NECAB2: variants seen among roughly 807,000 people sequenced by gnomAD.
The protein encoded by NECAB2 is N-terminal EF-hand calcium binding protein 2, also known as N-terminal EF-hand calcium-binding protein 2.
Under a neutral mutation model 51.9 loss-of-function variants are expected in NECAB2, and 68 were observed. The observed-to-expected ratio is 1.31, with a 90% CI of 1.08 to 1.60. NECAB2 has a LOEUF of 1.60. Ranked by LOEUF, NECAB2 falls within the 40% of genes most tolerant of loss-of-function variation. The pLI is 0.00. For synonymous variants in NECAB2, 329 were observed against 203.5 expected (o/e 1.62, Z -5.25); for missense variants, 854 against 490.3 (o/e 1.74, Z -7.00).
Position 83,981,021 on chromosome 16 carries a change from C to G in NECAB2, c.362-9C>G. On this transcript the variant is annotated splice_polypyrimidine_tract_variant and intron_variant, in intron 4 of 12. Coordinates refer to ENST00000305202, the MANE Select transcript of NECAB2 (RefSeq NM_019065.3). ...CTGTGACCCCTGACCTTTGCCTTTCCTTCCCCAGATTACTTTGTGGACCAC... is the reference window on the plus strand; with the variant it reads ...CTGTGACCCCTGACCTTTGCCTTTCGTTCCCCAGATTACTTTGTGGACCAC... 1 of 1,613,872 alleles carries G rather than the reference C, an allele frequency of 6.2e-7. No individual in the cohort carries two copies.
chr16:83,998,382 A>C, intron 10 of NECAB2, 65 bp downstream of exon 10: 5 of 1,484,672 alleles, frequency 3.4e-6, no homozygotes. Flanking sequence ...GTGGAGGAAC[A>C]GGGCAGGACT....
In NECAB2 at chr16:83,990,780, A is replaced by G. The variant is rs1567673182; in HGVS notation, c.596+150A>G. ...CTCTTTGTGCCTTTGGTGCTCCATT[A>G]TGTAATATAGGCACAATTATATACC... On this transcript the variant is annotated intron_variant, in intron 6 of 12. Transcript: ENST00000305202. The G allele has an allele frequency of 4.1e-6, 4 of 986,576 alleles. No individual in the cohort carries two copies. In the South Asian group the frequency reaches 7.0e-5, roughly 17 times the overall value. 61.1% of individuals were successfully genotyped at this position (986,576 alleles called of 1,614,324 possible).
At chr16:83,989,040 A>G (rs1447187868) in intron 5 of NECAB2, among the ~76,000 whole-genome samples, 6 of 152,166 alleles carry the variant, frequency 3.9e-5, no homozygotes, top group Admixed American at 6.5e-5. Flanking sequence ...CGCTGACCAC[A>G]TCTTCAGTCA....
intron 5 of NECAB2, among the ~76,000 whole-genome samples, chr16:83,987,664 T>G (rs1319695391): frequency 1.3e-5 from 2 of 152,232 alleles, no homozygotes; most frequent in Non-Finnish European, 2.9e-5. Context: ...TTAAAATATT[T>G]TAGTGTACTT....
At position 83,992,628 on chromosome 16, in the gene NECAB2, C is replaced by A. The variant is rs369657938; in HGVS notation, c.597-1674C>A. On this transcript the variant is annotated intron_variant, in intron 6 of 12. Transcript: ENST00000305202. ...CGTGTGTTTCTTCGTAGTTGAAGAG[C>A]TGGTCCTGATCAGACATGATTGTGA... Among the ~76,000 whole-genome samples, 23 of 152,276 alleles carry A rather than the reference C, an allele frequency of 1.5e-4. 1 individual carries two copies. In the South Asian group the frequency reaches 4.8e-3, roughly 32 times the overall value.
chr16:83,999,125 C>T (rs553093708), intron 10 of NECAB2, among the ~76,000 whole-genome samples: 1 of 152,188 alleles, frequency 6.6e-6, no homozygotes, highest in Non-Finnish European at 1.5e-5. Flanking sequence ...TGAGAGGGGT[C>T]TTCTTGGGCC....
At position 83,993,495 on chromosome 16, in the gene NECAB2, G is replaced by A. The variant is rs142153483; in HGVS notation, c.597-807G>A. ...GCACAGGGCACTCTGTGTGTCTTCT[G>A]GGGGAGTGTCTGTGTTTCTGTATGT... On this transcript the variant is annotated intron_variant, in intron 6 of 12. Transcript: ENST00000305202. 576 of 154,330 alleles carry A rather than the reference G, an allele frequency of 3.7e-3. 4 individuals carry two copies. Among genetic ancestry groups the A allele is most frequent in the African/African-American group, 0.013 (556 of 41,628 alleles). The allele number at this position is 154,330 out of a possible 1,614,324, so 9.6% of individuals were successfully genotyped here.
chr16:83,965,749 G>A (rs2084272072), upstream of NECAB2: 2 of 1,613,424 alleles, frequency 1.2e-6, no homozygotes, highest in Non-Finnish European at 1.7e-6. Flanking sequence ...TCTCCCTGGT[G>A]CTGGTCCTCA....
chr16:83,988,853 C>G (rs1003403152), intron 5 of NECAB2, among the ~76,000 whole-genome samples: 2 of 152,240 alleles, frequency 1.3e-5, no homozygotes, highest in South Asian at 2.1e-4. Context: ...ATGTAATATA[C>G]CCATGTAACA....
chr16:83,980,823 C>G lies in NECAB2; in HGVS notation c.336-16C>G, dbSNP rs546644576. The G allele has an allele frequency of 2.8e-5, 44 of 1,572,040 alleles. No individual in the cohort carries two copies. The African/African-American group carries it at 4.8e-4, about 17-fold the overall frequency. On this transcript the variant is annotated splice_polypyrimidine_tract_variant and intron_variant, in intron 3 of 12. Coordinates refer to ENST00000305202, the MANE Select transcript of NECAB2 (RefSeq NM_019065.3). ...TCTCTGTCTCTGTCTGTCTCTGCCT[C>G]TGTCTGTCTCTGCAGCCATGTGGAC...
At chr16:83,985,243 G>T (rs1008614418) in intron 5 of NECAB2, among the ~76,000 whole-genome samples, 3 of 145,598 alleles carry the variant, frequency 2.1e-5, no homozygotes, top group Non-Finnish European at 3.0e-5. Context: ...AACCCGGGAG[G>T]TGGAGGTTGC....
intron 2 of NECAB2, among the ~76,000 whole-genome samples, chr16:83,975,496 G>T (rs904273532): frequency 2.6e-5 from 4 of 152,144 alleles, no homozygotes; most frequent in African/African-American, 9.7e-5. Flanking sequence ...AGCGGGAGAT[G>T]GGGTGCAAAC....
At chr16:83,981,229 A>T in intron 5 of NECAB2, 102 bp downstream of exon 5, 1 of 1,053,924 alleles carries the variant, frequency 9.5e-7, no homozygotes, top group Non-Finnish European at 1.4e-6. Context: ...GCCGCCAGGG[A>T]GGCCTATCTC....
At chr16:83,997,605 A>G (rs993462742) in intron 9 of NECAB2, among the ~76,000 whole-genome samples, 1 of 147,212 alleles carries the variant, frequency 6.8e-6, no homozygotes, top group Non-Finnish European at 1.5e-5. Context: ...CTCCTGCCTC[A>G]GCCTCCTGAG....
intron 10 of NECAB2, 78 bp from the exon 11 acceptor site, chr16:84,000,646 A>T: frequency 1.6e-6 from 2 of 1,288,102 alleles, no homozygotes; most frequent in Non-Finnish European, 2.2e-6. Context: ...GGTGGGTCTC[A>T]GGCCACCCCA....
intron 3 of NECAB2, among the ~76,000 whole-genome samples, chr16:83,980,536 C>T (rs2084472786): frequency 6.6e-6 from 1 of 152,126 alleles, no homozygotes; most frequent in African/African-American, 2.4e-5. Context: ...CACTCTCTGT[C>T]CCTTTACCCC....
chr16:83,967,372 T>G (rs1431775077), upstream of NECAB2, among the ~76,000 whole-genome samples: 3 of 110,798 alleles, frequency 2.7e-5, no homozygotes, highest in Non-Finnish European at 5.3e-5. Flanking sequence ...GGTGGATGGA[T>G]GGATGGGAGG....
In NECAB2 at chr16:83,981,025, C is replaced by G; in HGVS notation, c.362-5C>G. 1.2e-6 allele frequency: 2 copies of G among 1,613,964 alleles called. No individual in the cohort carries two copies. The highest frequency in any genetic ancestry group is 2.2e-5 in the East Asian group (1 of 44,866). On this transcript the variant is annotated splice_region_variant and splice_polypyrimidine_tract_variant and intron_variant, in intron 4 of 12. Transcript: ENST00000305202. Reference sequence around the variant, plus strand: ...GACCCCTGACCTTTGCCTTTCCTTCCCCAGATTACTTTGTGGACCACATGG... The same window carrying G: ...GACCCCTGACCTTTGCCTTTCCTTCGCCAGATTACTTTGTGGACCACATGG...
intron 6 of NECAB2, among the ~76,000 whole-genome samples, chr16:83,991,940 C>T (rs1006172163): frequency 7.9e-5 from 12 of 151,932 alleles, no homozygotes; most frequent in African/African-American, 1.9e-4. Flanking sequence ...CAGGCAGGAG[C>T]CACCACACCC....
Sources: allele counts gnomAD v4.1 joint callset (sites outside exome capture counted in the v4.1 genomes callset), GRCh38; gene constraint gnomAD v4.1.1; transcripts MANE v1.5; gene names NCBI Gene and HGNC (gene_info 2026-07-23, HGNC 2026-07-21).